The following NUP88 variants were observed in gnomAD, a reference collection of about 807,000 sequenced individuals.
NUP88 encodes nucleoporin 88, also known as nuclear pore complex protein Nup88.
In NUP88, 57 loss-of-function variants were observed where a neutral mutation model predicts 93.9. That is an observed-to-expected ratio of 0.61 (90% CI 0.49 to 0.76). The LOEUF is 0.76. Ranked by LOEUF, NUP88 falls within the 30% of genes least tolerant of loss-of-function variation. The pLI, the probability that NUP88 is intolerant of heterozygous loss-of-function variation, is 0.00. For synonymous variants in NUP88, 346 were observed against 336.8 expected (o/e 1.03, Z -0.30); for missense variants, 911 against 901.0 (o/e 1.01, Z -0.14).
chr17:5,385,406 C>T lies in NUP88; in HGVS notation c.*800G>A, dbSNP rs917065257. Reference sequence around the variant, plus strand: ...CATGTCTAACCTGATTTACCTCTTACCTGTAACCTACCTTATCATGTGGCT... The same window carrying T: ...CATGTCTAACCTGATTTACCTCTTATCTGTAACCTACCTTATCATGTGGCT... On this transcript the variant is annotated 3_prime_UTR_variant, in exon 17 of 17. Transcript: ENST00000573584. 3.0e-5 allele frequency: 7 copies of T among 229,978 alleles called. No homozygotes were observed. Among genetic ancestry groups the T allele is most frequent in the Non-Finnish European group, 6.0e-5 (7 of 116,330 alleles). 14.2% of individuals were successfully genotyped at this position (229,978 alleles called of 1,614,324 possible). A position where few individuals can be genotyped will look rare whatever the true frequency, so the allele number is the denominator to read the frequency against.
intron 1 of NUP88, among the ~76,000 whole-genome samples, chr17:5,417,344 G>C (rs190667669): frequency 5.3e-5 from 8 of 152,282 alleles, no homozygotes; most frequent in Admixed American, 3.3e-4. Context: ...GCACATGCCT[G>C]TAGTCCCAGC....
Position 5,399,556 on chromosome 17 carries a change from T to G in NUP88, c.1287A>C (p.Gly429=). Residue 429 remains glycine, a synonymous_variant, in exon 8 of 17, where the codon GGA becomes GGC. Coordinates refer to ENST00000573584, the MANE Select transcript of NUP88 (RefSeq NM_002532.6). ...TWIHKLHKFL[G]SDEEDKDSLQ... Reference sequence around the variant, plus strand: ...GCAGAGAGTTAGTAAACTCACCTGATCCAAGAAATTTGTGAAGTTTATGAA... The same window carrying G: ...GCAGAGAGTTAGTAAACTCACCTGAGCCAAGAAATTTGTGAAGTTTATGAA... 6.4e-7 allele frequency: 1 copy of G among 1,568,260 alleles called. No homozygotes were observed. The highest frequency in any genetic ancestry group is 8.8e-7 in the Non-Finnish European group (1 of 1,140,552).
In NUP88 at chr17:5,419,523, G is replaced by A. The variant is rs775555017; in HGVS notation, c.128C>T (p.Ala43Val). The A allele has an allele frequency of 7.4e-6, 12 of 1,613,826 alleles. No homozygotes were observed. The highest frequency in any genetic ancestry group is 9.3e-6 in the Non-Finnish European group (11 of 1,179,890). ...NQSPTEAEKP[A>V]SSSLPSSPPP... is the part of the protein sequence containing the mutation. ...CGGCGACGAAGGCAACGACGAAGAA[G>A]CTGGTTTCTCAGCTTCGGTTGGACT... Residue 43 changes from alanine (A) to valine (V), a missense_variant, in exon 1 of 17, where the codon GCT (alanine) becomes GTT (valine). Transcript: ENST00000573584.
At chr17:5,388,523 C>G (rs573366407) in intron 11 of NUP88, 3 of 252,652 alleles carry the variant, frequency 1.2e-5, no homozygotes, top group South Asian at 1.1e-4. Context: ...CTCCTGACCT[C>G]GCGATTCACC....
At chr17:5,419,156 A>G (rs995208167) in intron 1 of NUP88, among the ~76,000 whole-genome samples, 198 bp downstream of exon 1, 4 of 152,218 alleles carry the variant, frequency 2.6e-5, no homozygotes, top group African/African-American at 7.2e-5. Flanking sequence ...TGAATATTCA[A>G]TGACCCTTTC....
chr17:5,399,566 T>G lies in NUP88; in HGVS notation c.1277A>C (p.Lys426Thr). The G allele has an allele frequency of 1.3e-6, 2 of 1,592,066 alleles. No homozygotes were observed. The highest frequency in any genetic ancestry group is 1.7e-6 in the Non-Finnish European group (2 of 1,162,228). The part of the protein sequence containing the change: ...VGLTWIHKLH[K>T]FLGSDEEDKD... ...AGTAAACTCACCTGATCCAAGAAAT[T>G]TGTGAAGTTTATGAATCCAAGTTAG... Residue 426 changes from lysine to threonine, a missense_variant, in exon 8 of 17, where the codon AAA (lysine) becomes ACA (threonine). Lys to Thr is a moderately conservative substitution (Grantham distance 78, BLOSUM62 -1). Coordinates refer to ENST00000573584, the MANE Select transcript of NUP88 (RefSeq NM_002532.6).
At chr17:5,390,151 C>T (rs529461590) in intron 10 of NUP88, among the ~76,000 whole-genome samples, 19 of 126,970 alleles carry the variant, frequency 1.5e-4, no homozygotes, top group Non-Finnish European at 2.7e-4. Context: ...GGCAACACAG[C>T]AAACTCCGTC....
chr17:5,397,460 A>G (rs1912848463), intron 8 of NUP88, among the ~76,000 whole-genome samples: 1 of 152,204 alleles, frequency 6.6e-6, no homozygotes, highest in South Asian at 2.1e-4. Flanking sequence ...GACTCAACCC[A>G]GCCCACTGTT....
chr17:5,404,963 G>T, intron 6 of NUP88, 94 bp downstream of exon 6: 6 of 1,088,890 alleles, frequency 5.5e-6, no homozygotes, highest in Non-Finnish European at 7.7e-6. Flanking sequence ...CCATAAGTAA[G>T]TTAAAATTCC....
chr17:5,386,605 T>C lies in NUP88; in HGVS notation c.2162+103A>G, dbSNP rs551743529. 8.8e-5 allele frequency: 72 copies of C among 818,806 alleles called. 1 individual carries two copies. In the South Asian group the frequency reaches 9.5e-4, roughly 11 times the overall value. 50.7% of individuals were successfully genotyped at this position (818,806 alleles called of 1,614,324 possible). ...CTCTCATCCCAGTAATTACTTGACATGCAAATACCAAGATTCAGGTTTCTA... is the reference window on the plus strand; with the variant it reads ...CTCTCATCCCAGTAATTACTTGACACGCAAATACCAAGATTCAGGTTTCTA... On this transcript the variant is annotated intron_variant, in intron 16 of 16. Coordinates refer to ENST00000573584, the MANE Select transcript of NUP88 (RefSeq NM_002532.6).
chr17:5,416,280 T>C (rs549988522), intron 2 of NUP88, among the ~76,000 whole-genome samples: 3 of 151,354 alleles, frequency 2.0e-5, no homozygotes, highest in South Asian at 4.2e-4. Flanking sequence ...TTCTACCTAA[T>C]CGAAAGAATG....
In NUP88 at chr17:5,394,968, C is replaced by T. The variant is rs147533029; in HGVS notation, c.1305G>A (p.Lys435=). 3.8e-4 allele frequency: 602 copies of T among 1,603,080 alleles called. No homozygotes were observed. Among genetic ancestry groups the T allele is most frequent in the Non-Finnish European group, 4.9e-4 (572 of 1,170,076 alleles). ...HKFLGSDEED[K]DSLQELSTEQ... ...CTGTAGAGAGTTCCTGTAAACTATC[C>T]TTATCTTCTTCATCTACCATGGAAG... The change falls in exon 9 of 17, where the codon AAG becomes AAA. Residue 435 remains lysine, a synonymous_variant. Transcript: ENST00000573584.
intron 7 of NUP88, among the ~76,000 whole-genome samples, chr17:5,400,706 A>T (rs1028997859): frequency 1.3e-5 from 2 of 152,206 alleles, no homozygotes; most frequent in African/African-American, 4.8e-5. Context: ...CTTAAATAAA[A>T]TTGTTGAAGC....
intron 10 of NUP88, among the ~76,000 whole-genome samples, 188 bp from the exon 11 acceptor site, chr17:5,389,148 G>A (rs1912249132): frequency 6.6e-6 from 1 of 152,130 alleles, no homozygotes; most frequent in Non-Finnish European, 1.5e-5. Context: ...TTATTCCAAT[G>A]CCCCTGATTT....
chr17:5,411,412 A>C (rs1217528880), intron 3 of NUP88, among the ~76,000 whole-genome samples: 1 of 152,008 alleles, frequency 6.6e-6, no homozygotes, highest in Non-Finnish European at 1.5e-5. Context: ...AAAAATACAA[A>C]AATTATTTGG....
intron 7 of NUP88, among the ~76,000 whole-genome samples, chr17:5,401,391 A>AC (rs200408671): frequency 1.3e-5 from 2 of 150,852 alleles, no homozygotes; most frequent in Admixed American, 6.6e-5. Context: ...TCAAAAAAAA[A>AC]CACAAAATAA....
At chr17:5,411,765 T>C (rs1180412869) in intron 3 of NUP88, among the ~76,000 whole-genome samples, 1 of 152,182 alleles carries the variant, frequency 6.6e-6, no homozygotes, top group Non-Finnish European at 1.5e-5. Flanking sequence ...ATTTTAGAAA[T>C]CCAGTGTCCC....
intron 5 of NUP88, among the ~76,000 whole-genome samples, chr17:5,408,437 T>A (rs1431788364): frequency 1.3e-5 from 2 of 152,258 alleles, no homozygotes; most frequent in Admixed American, 6.5e-5. Flanking sequence ...ACGTGGTGTC[T>A]TGTTCATATA....
intron 7 of NUP88, among the ~76,000 whole-genome samples, chr17:5,402,403 A>G (rs148575160): frequency 3.9e-5 from 6 of 152,304 alleles, no homozygotes; most frequent in Non-Finnish European, 7.3e-5. Context: ...ACGTATCTAT[A>G]TGAGGAAACC....
Sources: gnomAD v4.1 joint callset for allele counts (sites outside exome capture counted in the v4.1 genomes callset) on GRCh38, gnomAD v4.1.1 for gene constraint, MANE v1.5 for transcripts, NCBI Gene and HGNC (gene_info 2026-07-23, HGNC 2026-07-21) for gene names.